Variants in ACOXL observed in about 807,000 individuals in gnomAD.
ACOXL encodes acyl-coenzyme A oxidase-like protein.
Under a neutral mutation model 71.9 loss-of-function variants are expected in ACOXL, and 70 were observed. The ratio of observed to expected loss-of-function variants is 0.97; its 90% CI spans 0.80 to 1.19. The LOEUF is 1.19. ACOXL is among the 50% of genes most tolerant of loss of function. The pLI is 0.00. For synonymous variants in ACOXL, 253 were observed against 281.6 expected (o/e 0.90, Z 1.02); for missense variants, 703 against 736.3 (o/e 0.95, Z 0.52).
intron 2 of ACOXL, among the ~76,000 whole-genome samples, chr2:110,770,153 G>A (rs556350088): frequency 6.6e-6 from 1 of 152,166 alleles, no homozygotes; most frequent in Non-Finnish European, 1.5e-5. Context: ...CTGAGGAGCC[G>A]ACCCTATCCT....
At chr2:111,023,036 T>A (rs890875497) in intron 14 of ACOXL, among the ~76,000 whole-genome samples, 7 of 152,138 alleles carry the variant, frequency 4.6e-5, no homozygotes, top group Non-Finnish European at 1.0e-4. Flanking sequence ...TTAATGTAGC[T>A]GCATACTCCA....
chr2:111,087,286 GA>G (rs2068262167), intron 16 of ACOXL, among the ~76,000 whole-genome samples: 1 of 152,172 alleles, frequency 6.6e-6, no homozygotes, highest in South Asian at 2.1e-4. Flanking sequence ...ATTCTTCACA[GA>G]AGTAGGGAAA....
At position 110,994,583 on chromosome 2, in the gene ACOXL, T is replaced by C. The variant is rs576854153; in HGVS notation, c.1170-1310T>C. ...AGTGTGAATTAACCCTTCCCCTGGT[T>C]GTCTAGGTTATCTAAAGGTTCATGG... On this transcript the variant is annotated intron_variant, in intron 13 of 17. Coordinates refer to ENST00000439055, the MANE Select transcript of ACOXL (RefSeq NM_001142807.4). 1.4e-4 allele frequency among the ~76,000 whole-genome samples: 21 copies of C among 152,236 alleles called. No homozygotes were observed. The South Asian group carries it at 2.9e-3, about 21-fold the overall frequency.
intron 14 of ACOXL, among the ~76,000 whole-genome samples, chr2:111,025,287 A>C (rs1299181651): frequency 6.6e-6 from 1 of 152,222 alleles, no homozygotes; most frequent in Non-Finnish European, 1.5e-5. Flanking sequence ...AGCTTCTGTG[A>C]ACAATTTTAT....
At chr2:110,747,702 G>C (rs193058050) in intron 1 of ACOXL, among the ~76,000 whole-genome samples, 3 of 152,318 alleles carry the variant, frequency 2.0e-5, no homozygotes, top group African/African-American at 7.2e-5. Flanking sequence ...AGAGCCACCA[G>C]CAGTGTCTGC....
At chr2:110,925,823 G>A (rs2060247658) in intron 11 of ACOXL, among the ~76,000 whole-genome samples, 1 of 144,976 alleles carries the variant, frequency 6.9e-6, no homozygotes, top group Non-Finnish European at 1.5e-5. Context: ...TTTTCAACAT[G>A]CCTTCCTCAC....
chr2:110,784,761 A>G lies in ACOXL; in HGVS notation c.105A>G (p.Arg35=), dbSNP rs1683746695. ...AGAAAACAAAGAATTTTGTCAGCCG[A>G]AGCCTTGTCATAGGAGAAGTCCTCT... The part of the protein sequence containing the change: ...LAEKTKNFVS[R]SLVIGEVLSM... The change falls in exon 3 of 18, where the codon CGA becomes CGG. Residue 35 remains arginine, a synonymous_variant. Transcript: ENST00000439055. 1 of 1,608,866 alleles carries G rather than the reference A, an allele frequency of 6.2e-7. No homozygotes were observed. Among genetic ancestry groups the G allele is most frequent in the Non-Finnish European group, 8.5e-7 (1 of 1,178,022 alleles).
intron 16 of ACOXL, among the ~76,000 whole-genome samples, chr2:111,079,822 C>CA (rs2067803060): frequency 1.6e-5 from 2 of 123,438 alleles, no homozygotes; most frequent in Non-Finnish European, 3.6e-5. Flanking sequence ...GTAAGAGTCA[C>CA]CTTTTTTTTT....
intron 17 of ACOXL, among the ~76,000 whole-genome samples, chr2:111,112,345 G>C (rs1285503705): frequency 6.6e-6 from 1 of 152,210 alleles, no homozygotes; most frequent in African/African-American, 2.4e-5. Context: ...AATGAAAACA[G>C]GAATGGAGCT....
chr2:110,865,019 A>G (rs1694388156), intron 10 of ACOXL, among the ~76,000 whole-genome samples: 1 of 135,676 alleles, frequency 7.4e-6, no homozygotes, highest in African/African-American at 2.6e-5. Flanking sequence ...TTGCCTTCCA[A>G]CTCTGCTGAG....
chr2:110,843,977 G>C (rs1438171156), intron 10 of ACOXL, among the ~76,000 whole-genome samples: 3 of 152,232 alleles, frequency 2.0e-5, no homozygotes, highest in Admixed American at 6.5e-5. Context: ...ATCGACCTTG[G>C]GATCTGGGGA....
chr2:111,117,552 G>A, intron 17 of ACOXL, 64 bp from the exon 18 acceptor site: 2 of 1,512,492 alleles, frequency 1.3e-6, no homozygotes, highest in African/African-American at 1.4e-5. Context: ...GCTGAAAGCT[G>A]CTGTCACTAG....
At chr2:111,103,888 C>T (rs910142596) in intron 17 of ACOXL, among the ~76,000 whole-genome samples, 3 of 152,070 alleles carry the variant, frequency 2.0e-5, no homozygotes, top group Non-Finnish European at 2.9e-5. Flanking sequence ...TTTACAATAT[C>T]ACACCCAGGA....
intron 17 of ACOXL, among the ~76,000 whole-genome samples, chr2:111,096,567 C>T (rs1203115815): frequency 6.6e-6 from 1 of 152,044 alleles, no homozygotes. Context: ...GTTTCCTGTT[C>T]CCCAAAGATA....
intron 9 of ACOXL, among the ~76,000 whole-genome samples, chr2:110,828,749 TG>T (rs1483322757): frequency 1.3e-5 from 2 of 152,034 alleles, no homozygotes; most frequent in African/African-American, 2.4e-5. Flanking sequence ...AGTGGTGGGC[TG>T]GGGGGTGGAA....
intron 2 of ACOXL, among the ~76,000 whole-genome samples, chr2:110,769,223 GAAAAAAGAAAGA>G (rs1559237671): frequency 7.4e-6 from 1 of 135,470 alleles, no homozygotes; most frequent in African/African-American, 2.9e-5. Flanking sequence ...TTAGCCTCAT[GAAAAAAGAAAGA>G]AAGAAAGAAA....
At chr2:111,036,523 T>C (rs1218358886) in intron 15 of ACOXL, among the ~76,000 whole-genome samples, 2 of 152,128 alleles carry the variant, frequency 1.3e-5, no homozygotes, top group Non-Finnish European at 1.5e-5. Context: ...GGTCCCAACA[T>C]TGGGGAAGAG....
chr2:110,846,807 G>C (rs1454200011), intron 10 of ACOXL, among the ~76,000 whole-genome samples: 1 of 151,832 alleles, frequency 6.6e-6, no homozygotes, highest in African/African-American at 2.4e-5. Context: ...GTATGTGTTT[G>C]TGTGTGTCTT....
intron 11 of ACOXL, among the ~76,000 whole-genome samples, chr2:110,927,275 A>G (rs2060309026): frequency 6.6e-6 from 1 of 152,166 alleles, no homozygotes; most frequent in South Asian, 2.1e-4. Context: ...CCCTCCCCCA[A>G]CACATGGGAA....
Sources: gnomAD v4.1 joint callset for allele counts (sites outside exome capture counted in the v4.1 genomes callset) on GRCh38, gnomAD v4.1.1 for gene constraint, MANE v1.5 for transcripts, NCBI Gene and HGNC (gene_info 2026-07-23, HGNC 2026-07-21) for gene names.